The following ARHGAP44 variants were observed in gnomAD, a reference collection of about 807,000 sequenced individuals.
The protein encoded by ARHGAP44 is Rho GTPase activating protein 44.
A neutral mutation model predicts 106.8 loss-of-function variants in ARHGAP44; 43 were observed. The ratio of observed to expected loss-of-function variants is 0.40; its 90% CI spans 0.32 to 0.52. The LOEUF (loss-of-function observed/expected upper bound fraction) is 0.52, where lower values mean the gene tolerates loss of function less well. Among genes scored for constraint, ARHGAP44 ranks in the 20% least tolerant of loss-of-function variants. ARHGAP44 has a pLI of 0.48. For missense variants in ARHGAP44, 866 were observed against 1,050.5 expected, an observed-to-expected ratio of 0.82 and a Z score of 2.43; for synonymous variants, 439 against 410.3, an observed-to-expected ratio of 1.07 and a Z score of -0.85.
chr17:12,802,958 TA>T lies in ARHGAP44; in HGVS notation c.53+13068del, dbSNP rs1567621372. The stretch of plus-strand genomic sequence containing the variant: ...ATATATATATATATATATATATATA[TA>T]TATATATATATTTTTTTTTTTTTTT... On this transcript the variant is annotated intron_variant, in intron 1 of 20. Transcript: ENST00000379672. Among the ~76,000 whole-genome samples, 166 of 29,290 alleles carry T rather than the reference TA, an allele frequency of 5.7e-3. 4 individuals are homozygous for T. The highest frequency in any genetic ancestry group is 0.013 in the African/African-American group (37 of 2,818). 19.2% of individuals were successfully genotyped at this position (29,290 alleles called of 152,430 possible).
At position 12,958,347 on chromosome 17, in the gene ARHGAP44, G is replaced by A. The variant is rs2039178152; in HGVS notation, c.1343-370G>A. On this transcript the variant is annotated intron_variant, in intron 15 of 20. Coordinates refer to ENST00000379672, the MANE Select transcript of ARHGAP44 (RefSeq NM_014859.6). This position sits in a 1 kb window ranked among gnomAD's most constrained non-coding sequence, Gnocchi z 4.1. ...GCTAGTGTTTCTCAAATGGTGTTAA[G>A]TAATGGTAGTGGTAGTGAGCATTGC... Among the ~76,000 whole-genome samples, 1 of 152,118 alleles carries A rather than the reference G, an allele frequency of 6.6e-6. No homozygotes were observed. The highest frequency in any genetic ancestry group is 1.5e-5 in the Non-Finnish European group (1 of 68,028).
intron 7 of ARHGAP44, among the ~76,000 whole-genome samples, chr17:12,937,386 T>G (rs2038578426): frequency 6.6e-6 from 1 of 152,210 alleles, no homozygotes; most frequent in African/African-American, 2.4e-5. Flanking sequence ...TTAGAGCTCC[T>G]AGAGGTAAAA....
At chr17:12,858,497 C>G (rs2150861883) in intron 1 of ARHGAP44, among the ~76,000 whole-genome samples, 1 of 152,144 alleles carries the variant, frequency 6.6e-6, no homozygotes, top group East Asian at 1.9e-4. Flanking sequence ...AAGTTTAAGT[C>G]CACAGCCTTA....
chr17:12,820,257 GATAA>G (rs1443021898), intron 1 of ARHGAP44, among the ~76,000 whole-genome samples: 1 of 151,952 alleles, frequency 6.6e-6, no homozygotes, highest in East Asian at 1.9e-4. Context: ...TTTCTGAATT[GATAA>G]ATAATAATTG....
chr17:12,811,130 G>A (rs982361089), intron 1 of ARHGAP44, among the ~76,000 whole-genome samples: 3 of 151,960 alleles, frequency 2.0e-5, no homozygotes, highest in African/African-American at 7.2e-5. Context: ...GGCTAACACG[G>A]TGAAACCCCA....
chr17:12,904,301 C>T (rs1598029068), intron 3 of ARHGAP44, among the ~76,000 whole-genome samples: 1 of 152,016 alleles, frequency 6.6e-6, no homozygotes, highest in African/African-American at 2.4e-5. Context: ...AGAGATGGGG[C>T]TTCACCATGT....
intron 1 of ARHGAP44, among the ~76,000 whole-genome samples, chr17:12,877,618 C>T (rs536318153): frequency 6.6e-6 from 1 of 152,124 alleles, no homozygotes; most frequent in East Asian, 1.9e-4. Context: ...GGCGAGGTGG[C>T]GGGCGTCTGT....
At chr17:12,852,386 T>G (rs2035777458) in intron 1 of ARHGAP44, among the ~76,000 whole-genome samples, 1 of 149,368 alleles carries the variant, frequency 6.7e-6, no homozygotes, top group Non-Finnish European at 1.5e-5. Flanking sequence ...TGCCTTTGTT[T>G]GGTTTTTCTT....
At chr17:12,790,071 G>C (rs1027868908) in intron 1 of ARHGAP44, 180 bp downstream of exon 1, 6 of 541,784 alleles carry the variant, frequency 1.1e-5, no homozygotes, top group African/African-American at 2.0e-5. Context: ...CCCAGACCCC[G>C]GAGCTCTTCT....
chr17:12,973,961 C>CCCCGG (rs1189239484), intron 17 of ARHGAP44, 128 bp from the exon 18 acceptor site: 14 of 1,024,370 alleles, frequency 1.4e-5, no homozygotes, highest in Admixed American at 2.1e-5. Context: ...CATCGCTTCC[C>CCCCGG]GGGCCCCCGG....
intron 10 of ARHGAP44, among the ~76,000 whole-genome samples, chr17:12,946,063 T>C (rs534746670): frequency 1.3e-5 from 2 of 152,274 alleles, no homozygotes; most frequent in African/African-American, 4.8e-5. Flanking sequence ...TGGGCCTCAA[T>C]TTAAAACCGA....
intron 5 of ARHGAP44, among the ~76,000 whole-genome samples, chr17:12,918,288 A>G (rs1420485955): frequency 1.3e-5 from 2 of 152,216 alleles, no homozygotes; most frequent in Non-Finnish European, 2.9e-5. Flanking sequence ...TGTTACACGC[A>G]GAACATTACT....
At chr17:12,841,877 G>A (rs1445103108) in intron 1 of ARHGAP44, among the ~76,000 whole-genome samples, 1 of 152,074 alleles carries the variant, frequency 6.6e-6, no homozygotes, top group Admixed American at 6.6e-5. Context: ...TTCGGGGTTT[G>A]CAAATTTTTC....
rs562888827 is a variant in ARHGAP44, at chr17:12,973,712, C to CCA, written c.1542-377_1542-376insCA. On this transcript the variant is annotated intron_variant, in intron 17 of 20. Coordinates refer to ENST00000379672, the MANE Select transcript of ARHGAP44 (RefSeq NM_014859.6). ...GGAGGAGTGAGTGTCCCTGCCCCCC[C>CCA]AGTTAGGCCACACACCGCTGTGAGG... 1.9e-3 allele frequency: 938 copies of CCA among 481,828 alleles called. 17 individuals carry two copies. In the South Asian group the frequency reaches 0.026, roughly 13 times the overall value. 29.8% of individuals were successfully genotyped at this position (481,828 alleles called of 1,614,324 possible). A position where few individuals can be genotyped will look rare whatever the true frequency, so the allele number is the denominator to read the frequency against.
intron 3 of ARHGAP44, among the ~76,000 whole-genome samples, chr17:12,896,864 T>C (rs2037221551): frequency 6.6e-6 from 1 of 152,212 alleles, no homozygotes; most frequent in Non-Finnish European, 1.5e-5. Context: ...AGCTCATTCA[T>C]AGATTGCATT....
chr17:12,907,429 C>T (rs1454770576), intron 3 of ARHGAP44, among the ~76,000 whole-genome samples: 1 of 152,132 alleles, frequency 6.6e-6, no homozygotes, highest in African/African-American at 2.4e-5. Flanking sequence ...AGAACGTTTC[C>T]ATCATCCCCA....
intron 19 of ARHGAP44, chr17:12,983,016 A>C (rs527815837): frequency 1.3e-5 from 2 of 152,324 alleles, no homozygotes; most frequent in East Asian, 3.9e-4. Context: ...CTGTAATCCA[A>C]GCACTTTGGA....
At chr17:12,853,943 C>G (rs1004261831) in intron 1 of ARHGAP44, among the ~76,000 whole-genome samples, 4 of 152,212 alleles carry the variant, frequency 2.6e-5, no homozygotes, top group African/African-American at 9.7e-5. Context: ...GTTCTGGCCC[C>G]AGCTCATTCT....
At chr17:12,942,972 A>G (rs368519248) in intron 8 of ARHGAP44, among the ~76,000 whole-genome samples, 6 of 152,380 alleles carry the variant, frequency 3.9e-5, no homozygotes, top group African/African-American at 1.4e-4. Context: ...GATCAGTTAT[A>G]TGTTAGACTA....
Sources: allele counts gnomAD v4.1 joint callset (sites outside exome capture counted in the v4.1 genomes callset), GRCh38; gene constraint gnomAD v4.1.1; non-coding constraint Gnocchi (gnomAD v3.1); transcripts MANE v1.5; gene names NCBI Gene and HGNC (gene_info 2026-07-23, HGNC 2026-07-21).